MARCHF4: variants seen among roughly 807,000 people sequenced by gnomAD.
MARCHF4 encodes the protein E3 ubiquitin-protein ligase MARCHF4.
MARCHF4 carries 14 observed loss-of-function variants against 43.9 expected under a neutral mutation model. The observed-to-expected ratio is 0.32, with a 90% CI of 0.21 to 0.50. The LOEUF (loss-of-function observed/expected upper bound fraction) is 0.50. Ranked by LOEUF, MARCHF4 falls within the 20% of genes least tolerant of loss-of-function variation. The probability of loss-of-function intolerance (pLI) is 0.98; values close to 1 mark genes in which losing one functional copy is unlikely to be tolerated. For missense variants in MARCHF4, 468 were observed against 536.7 expected (o/e 0.87, Z 1.27); for synonymous variants, 226 against 213.3 (o/e 1.06, Z -0.52).
chr2:216,339,801 TC>T (rs1258237037), intron 1 of MARCHF4, among the ~76,000 whole-genome samples: 1 of 152,014 alleles, frequency 6.6e-6, no homozygotes, highest in Non-Finnish European at 1.5e-5. Context: ...TCAGCAAGGA[TC>T]CCATAGAGAC....
chr2:216,320,136 G>C (rs2105962429), intron 1 of MARCHF4, among the ~76,000 whole-genome samples: 1 of 152,254 alleles, frequency 6.6e-6, no homozygotes, highest in East Asian at 1.9e-4. Flanking sequence ...GATATATTTA[G>C]GGAACATAAG....
At chr2:216,298,546 G>A (rs573712047) in intron 1 of MARCHF4, among the ~76,000 whole-genome samples, 22 of 152,250 alleles carry the variant, frequency 1.4e-4, no homozygotes, top group South Asian at 6.2e-4. Flanking sequence ...GATTACAGGC[G>A]TGAGCCACTA....
At chr2:216,270,224 C>T (rs768144111) in intron 3 of MARCHF4, among the ~76,000 whole-genome samples, 3 of 152,070 alleles carry the variant, frequency 2.0e-5, no homozygotes, top group Non-Finnish European at 2.9e-5. Context: ...TGCAGGTGTG[C>T]ACCACCATGC....
At chr2:216,351,427 T>C (rs1164478844) in intron 1 of MARCHF4, 1 of 152,560 alleles carries the variant, frequency 6.6e-6, no homozygotes, top group Non-Finnish European at 1.5e-5. Flanking sequence ...CAGTGGTATT[T>C]ACAAATAACT....
chr2:216,301,248 A>G (rs1691488748), intron 1 of MARCHF4, among the ~76,000 whole-genome samples: 1 of 152,228 alleles, frequency 6.6e-6, no homozygotes. Context: ...AGAACCTCCC[A>G]TGCTCAGGGG....
At chr2:216,340,163 C>T (rs1323413199) in intron 1 of MARCHF4, among the ~76,000 whole-genome samples, 3 of 152,156 alleles carry the variant, frequency 2.0e-5, no homozygotes, top group Admixed American at 1.3e-4. Flanking sequence ...CCATCCAATC[C>T]CTGGAGCTTT....
In MARCHF4 at chr2:216,280,909, C is replaced by T. The variant is rs141849189; in HGVS notation, c.672+2665G>A. Among the ~76,000 whole-genome samples, 26 of 151,232 alleles carry T rather than the reference C, an allele frequency of 1.7e-4. No individual in the cohort carries two copies. In the East Asian group the frequency reaches 4.8e-3, roughly 28 times the overall value. ...TTGCAATTCACATGTAACAAAGAGA[C>T]AGTAGGAAGCAGCCATGAAACCTTT... On this transcript the variant is annotated intron_variant, in intron 2 of 3. Coordinates refer to ENST00000273067, the MANE Select transcript of MARCHF4 (RefSeq NM_020814.3).
chr2:216,262,043 A>G (rs1419427028), intron 3 of MARCHF4, among the ~76,000 whole-genome samples: 2 of 152,228 alleles, frequency 1.3e-5, no homozygotes, highest in Non-Finnish European at 2.9e-5. Context: ...GATAGAAATG[A>G]CAGCAAGAAA....
intron 3 of MARCHF4, among the ~76,000 whole-genome samples, chr2:216,262,408 T>C (rs1360968231): frequency 1.3e-5 from 2 of 152,160 alleles, no homozygotes; most frequent in Non-Finnish European, 2.9e-5. Flanking sequence ...ATGAGAATTA[T>C]ATGTACTTGC....
At chr2:216,310,025 T>C (rs1324123500) in intron 1 of MARCHF4, among the ~76,000 whole-genome samples, 1 of 152,132 alleles carries the variant, frequency 6.6e-6, no homozygotes, top group Non-Finnish European at 1.5e-5. Flanking sequence ...GAGGGGATGA[T>C]GACAAACTAA....
intron 1 of MARCHF4, among the ~76,000 whole-genome samples, chr2:216,297,548 G>T (rs776097435): frequency 2.0e-5 from 3 of 152,166 alleles, no homozygotes; most frequent in Non-Finnish European, 2.9e-5. Context: ...TTTCCCTCTT[G>T]TTGCCCAGGC....
intron 3 of MARCHF4, among the ~76,000 whole-genome samples, chr2:216,274,585 C>CGTAA (rs1229750835): frequency 6.6e-6 from 1 of 152,184 alleles, no homozygotes. Context: ...CATCATTTTA[C>CGTAA]CATCAGTAAA....
chr2:216,279,075 C>T (rs540914942), intron 2 of MARCHF4, among the ~76,000 whole-genome samples: 88 of 152,316 alleles, frequency 5.8e-4, no homozygotes, highest in African/African-American at 1.7e-3. Context: ...TATAATTATT[C>T]GAACCTGCAA....
At chr2:216,260,433 C>T (rs1690722774) in intron 3 of MARCHF4, among the ~76,000 whole-genome samples, 1 of 152,184 alleles carries the variant, frequency 6.6e-6, no homozygotes, top group Admixed American at 6.5e-5. Flanking sequence ...CACTGAGATC[C>T]TGTTTTAGCA....
intron 1 of MARCHF4, among the ~76,000 whole-genome samples, chr2:216,293,383 C>T (rs1691341583): frequency 6.6e-6 from 1 of 152,072 alleles, no homozygotes; most frequent in Non-Finnish European, 1.5e-5. Flanking sequence ...AACTCTATTA[C>T]TAGGGAAAAA....
At chr2:216,263,848 C>T (rs1001491800) in intron 3 of MARCHF4, among the ~76,000 whole-genome samples, 3 of 151,876 alleles carry the variant, frequency 2.0e-5, no homozygotes, top group South Asian at 2.1e-4. Context: ...CAGGGGGGCA[C>T]GGTGAAGGGC....
At chr2:216,288,675 G>A (rs190317354) in intron 1 of MARCHF4, among the ~76,000 whole-genome samples, 2 of 152,200 alleles carry the variant, frequency 1.3e-5, no homozygotes, top group African/African-American at 2.4e-5. Context: ...AAGTGGGGTC[G>A]TGCTAGAGGC....
intron 1 of MARCHF4, among the ~76,000 whole-genome samples, chr2:216,356,619 T>C (rs1692506756): frequency 6.6e-6 from 1 of 152,254 alleles, no homozygotes; most frequent in South Asian, 2.1e-4. Context: ...ATGCTCTTTT[T>C]GCTATACTGG....
chr2:216,268,442 C>T lies in MARCHF4; in HGVS notation c.866-8763G>A, dbSNP rs541371311. On this transcript the variant is annotated intron_variant, in intron 3 of 3. Coordinates refer to ENST00000273067, the MANE Select transcript of MARCHF4 (RefSeq NM_020814.3). ...GGTGATTGGATCATGGAGGCGGTTT[C>T]CCCCATGCTGTTCTTGTGATAGTGA... Among the ~76,000 whole-genome samples the T allele has an allele frequency of 1.0e-3, 157 of 152,248 alleles. 1 individual carries two copies. The highest frequency in any genetic ancestry group is 1.8e-3 in the Admixed American group (27 of 15,292).
Sources: allele counts gnomAD v4.1 joint callset (sites outside exome capture counted in the v4.1 genomes callset), GRCh38; gene constraint gnomAD v4.1.1; transcripts MANE v1.5; gene names NCBI Gene and HGNC (gene_info 2026-07-23, HGNC 2026-07-21).